MEGF11: variants seen among roughly 807,000 people sequenced by gnomAD.
MEGF11 encodes the protein multiple epidermal growth factor-like domains protein 11.
MEGF11 carries 126 observed loss-of-function variants against 146.6 expected under a neutral mutation model. The observed-to-expected ratio is 0.86, with a 90% confidence interval of 0.74 to 1.00. The LOEUF (loss-of-function observed/expected upper bound fraction) is 1.00. Ranked by LOEUF, MEGF11 falls within the 50% of genes least tolerant of loss-of-function variation. The probability of loss-of-function intolerance (pLI) is 0.00; values close to 1 mark genes in which losing one functional copy is unlikely to be tolerated. For missense variants in MEGF11, 1,509 were observed against 1,521.2 expected (o/e 0.99, Z 0.13); for synonymous variants, 532 against 583.4 (o/e 0.91, Z 1.27).
At chr15:66,213,066 G>A (rs567807399) in intron 1 of MEGF11, among the ~76,000 whole-genome samples, 60 of 152,254 alleles carry the variant, frequency 3.9e-4, no homozygotes, top group African/African-American at 1.4e-3. Flanking sequence ...AGGAGAGGCC[G>A]CAGGAGATGA....
intron 8 of MEGF11, among the ~76,000 whole-genome samples, chr15:65,968,199 G>A (rs1429022058): frequency 3.3e-5 from 5 of 152,122 alleles, no homozygotes; most frequent in Admixed American, 2.0e-4. Context: ...ATGGGGGAAG[G>A]GAAGGAGGGA....
chr15:66,025,316 TG>T (rs769808852), intron 5 of MEGF11, among the ~76,000 whole-genome samples: 2 of 151,662 alleles, frequency 1.3e-5, no homozygotes, highest in Non-Finnish European at 2.9e-5. Flanking sequence ...GATTCCTGAG[TG>T]GGGGGGCTCC....
chr15:66,252,160 G>A (rs2092380027), intron 1 of MEGF11, among the ~76,000 whole-genome samples: 1 of 152,132 alleles, frequency 6.6e-6, no homozygotes, highest in Non-Finnish European at 1.5e-5. Context: ...CTCCGGGAAC[G>A]AGTGGGACTG....
intron 15 of MEGF11, among the ~76,000 whole-genome samples, chr15:65,920,364 G>A (rs979038611): frequency 7.9e-5 from 12 of 152,192 alleles, no homozygotes; most frequent in African/African-American, 2.9e-4. Context: ...TGAAAAGCAG[G>A]CTGCCCAGCC....
At chr15:65,958,903 G>T (rs2080758251) in intron 9 of MEGF11, among the ~76,000 whole-genome samples, 1 of 152,192 alleles carries the variant, frequency 6.6e-6, no homozygotes, top group African/African-American at 2.4e-5. Flanking sequence ...TGGCCTGCCT[G>T]CTCTGGAGCC....
chr15:65,898,440 T>C, intron 25 of MEGF11: 3 of 985,384 alleles, frequency 3.0e-6, no homozygotes, highest in Non-Finnish European at 2.4e-6. Flanking sequence ...GTATCAACAA[T>C]CTGTGTGTGT....
intron 5 of MEGF11, among the ~76,000 whole-genome samples, chr15:66,066,100 C>T (rs1284338494): frequency 6.6e-6 from 1 of 152,254 alleles, no homozygotes; most frequent in Non-Finnish European, 1.5e-5. Flanking sequence ...TTGGATAGCT[C>T]TGTGGGTTTG....
intron 7 of MEGF11, among the ~76,000 whole-genome samples, chr15:65,977,052 C>A (rs2081474249): frequency 6.6e-6 from 1 of 151,142 alleles, no homozygotes; most frequent in South Asian, 2.1e-4. Context: ...GCCTGTAGTC[C>A]CAGCTACTTG....
chr15:66,151,817 G>C (rs1368433202), intron 1 of MEGF11, among the ~76,000 whole-genome samples: 2 of 152,204 alleles, frequency 1.3e-5, no homozygotes, highest in East Asian at 3.8e-4. Flanking sequence ...AAGACAGACC[G>C]CTGACCCTGG....
Position 65,897,485 on chromosome 15 carries a change from A to G in MEGF11, c.*449T>C, listed in dbSNP as rs1332266824. The G allele has an allele frequency of 6.6e-6, 1 of 152,664 alleles. No individual in the cohort carries two copies. The highest frequency in any genetic ancestry group is 1.9e-4 in the East Asian group (1 of 5,206). 9.5% of individuals were successfully genotyped at this position (152,664 alleles called of 1,614,324 possible). On this transcript the variant is annotated 3_prime_UTR_variant, in exon 26 of 26. Coordinates refer to ENST00000395614, the MANE Select transcript of MEGF11 (RefSeq NM_001385028.1). ...CTGTGTACTAATTGTCTTCGGTAAT[A>G]AAACAGATGTTGATGGTAACAGCAA...
chr15:66,026,119 C>CA, intron 5 of MEGF11, among the ~76,000 whole-genome samples: 1 of 152,354 alleles, frequency 6.6e-6, no homozygotes, highest in Non-Finnish European at 1.5e-5. Context: ...GGATTTCCCC[C>CA]ACTCCCCAAA....
At chr15:66,206,776 G>A (rs531554803) in intron 1 of MEGF11, among the ~76,000 whole-genome samples, 6 of 152,238 alleles carry the variant, frequency 3.9e-5, no homozygotes, top group Admixed American at 1.3e-4. Context: ...GGTAGCGCAC[G>A]CCTGTAGTCC....
At chr15:66,097,640 T>G (rs1194708612) in intron 4 of MEGF11, among the ~76,000 whole-genome samples, 11 of 151,292 alleles carry the variant, frequency 7.3e-5, no homozygotes, top group Non-Finnish European at 4.4e-5. Context: ...ACTCACCCTC[T>G]CCTGGCCCCA....
At chr15:65,962,023 A>G (rs2080873802) in intron 9 of MEGF11, among the ~76,000 whole-genome samples, 1 of 152,204 alleles carries the variant, frequency 6.6e-6, no homozygotes, top group Admixed American at 6.5e-5. Context: ...TGCATATATC[A>G]AGTGCCCTTA....
intron 1 of MEGF11, among the ~76,000 whole-genome samples, chr15:66,134,213 G>A (rs116693851): frequency 0.018 from 2,701 of 152,064 alleles, 22 homozygotes; most frequent in South Asian, 0.025. Flanking sequence ...CTAATAAAGC[G>A]CCAGCCTCCC....
chr15:65,992,575 G>A (rs28607847), intron 5 of MEGF11, among the ~76,000 whole-genome samples: 47,860 of 151,556 alleles, frequency 0.32, 7,832 homozygotes, highest in East Asian at 0.61. Context: ...TATGTTTATT[G>A]ACCTGCTTTA....
chr15:65,909,180 T>G, intron 22 of MEGF11, 45 bp from the exon 23 acceptor site: 1 of 1,329,860 alleles, frequency 7.5e-7, no homozygotes, highest in Admixed American at 2.0e-5. Flanking sequence ...CCCAGGGCCC[T>G]GGTATAGCAG....
intron 1 of MEGF11, among the ~76,000 whole-genome samples, chr15:66,188,052 G>A (rs551884829): frequency 6.6e-5 from 10 of 152,226 alleles, no homozygotes; most frequent in Non-Finnish European, 1.2e-4. Context: ...GGGGGGAGCC[G>A]GAGGACTGTC....
intron 13 of MEGF11, 104 bp downstream of exon 13, chr15:65,928,321 G>A: frequency 1.6e-6 from 1 of 639,768 alleles, no homozygotes; most frequent in East Asian, 2.8e-5. Flanking sequence ...GCATACTCAG[G>A]GATCAAGAAG....
Sources: allele counts gnomAD v4.1 joint callset (sites outside exome capture counted in the v4.1 genomes callset), GRCh38; gene constraint gnomAD v4.1.1; transcripts MANE v1.5; gene names NCBI Gene and HGNC (gene_info 2026-07-23, HGNC 2026-07-21).